The following SIT1 variants were observed in gnomAD, a reference collection of about 807,000 sequenced individuals.
SIT1 encodes signaling threshold regulating transmembrane adaptor 1, also known as signaling threshold-regulating transmembrane adapter 1.
A neutral mutation model predicts 23.5 loss-of-function variants in SIT1; 19 were observed. The observed-to-expected ratio is 0.81, with a 90% confidence interval of 0.56 to 1.19. SIT1 has a LOEUF of 1.19. SIT1 is among the 50% of genes most tolerant of loss of function. The pLI is 0.00. For synonymous variants in SIT1, 114 were observed against 109.1 expected, an observed-to-expected ratio of 1.04 and a Z score of -0.28; for missense variants, 213 against 254.9, an observed-to-expected ratio of 0.84 and a Z score of 1.12.
rs569347532 is a variant in SIT1 at position 35,649,822 on chromosome 9, C to T, written c.*26G>A. On this transcript the variant is annotated 3_prime_UTR_variant, in exon 5 of 5. Coordinates refer to ENST00000259608, the MANE Select transcript of SIT1 (RefSeq NM_014450.3). ...TGCTACGGGGGGCTGGGGCAGTGCA[C>T]GCCCCGCTGTGCCAGGCCCTCCATC... 22 of 1,465,462 alleles carry T rather than the reference C, an allele frequency of 1.5e-5. No individual in the cohort carries two copies. The highest frequency in any genetic ancestry group is 1.3e-4 in the African/African-American group (9 of 71,480). 90.8% of individuals were successfully genotyped at this position (1,465,462 alleles called of 1,614,324 possible).
In SIT1 at chr9:35,650,333, C is replaced by T. The variant is rs775279925; in HGVS notation, c.295+24G>A. On this transcript the variant is annotated intron_variant, in intron 3 of 4. Transcript: ENST00000259608. The surrounding 1 kb of genome is among the most constrained non-coding windows in gnomAD (Gnocchi z 4.8). ...GCCACCCAGGACCTGGCCTCTGTGC[C>T]CCTCCTCTCTGCCAGCTCCCTACCT... 1.9e-6 allele frequency: 3 copies of T among 1,613,850 alleles called. No individual in the cohort carries two copies. Among genetic ancestry groups the T allele is most frequent in the Non-Finnish European group, 1.7e-6 (2 of 1,179,796 alleles).
rs770472286 is a variant in SIT1, at chr9:35,650,189, C to T, written c.352G>A (p.Ala118Thr). 3 of 1,614,080 alleles carry T rather than the reference C, an allele frequency of 1.9e-6. No homozygotes were observed. Among genetic ancestry groups the T allele is most frequent in the Non-Finnish European group, 1.7e-6 (2 of 1,179,964 alleles). The stretch of plus-strand genomic sequence containing the variant: ...TCCAGCCACAGTTGACTCACCCTGG[C>T]AGGGCCTCCAAGAGTTGGATCCTGC... Reference protein sequence around the residue: ...DQQDPTLGGPARAAEEVMCYT... With the variant: ...DQQDPTLGGPTRAAEEVMCYT... The change falls in exon 4 of 5, where the codon GCC (alanine) becomes ACC (threonine). Residue 118 changes from alanine to threonine, a missense_variant. Ala to Thr is a moderately conservative substitution (Grantham distance 58). Coordinates refer to ENST00000259608, the MANE Select transcript of SIT1 (RefSeq NM_014450.3). The surrounding 1 kb of genome is among the most constrained non-coding windows in gnomAD (Gnocchi z 4.8).
Position 35,650,755 on chromosome 9 carries a change from C to T in SIT1, c.99G>A (p.Leu33=). 6.2e-7 allele frequency: 1 copy of T among 1,613,624 alleles called. No individual in the cohort carries two copies. ...CAGCCCCTGCCCTGCCCAGCTCACCCAGTGCGAGTAGATCCGTGCAGTTGT... is the reference window on the plus strand; with the variant it reads ...CAGCCCCTGCCCTGCCCAGCTCACCTAGTGCGAGTAGATCCGTGCAGTTGT... ...RGDNCTDLLA[L]GIPSITQAWG... is the part of the protein sequence containing the mutation. The change falls in exon 1 of 5, where the codon CTG becomes CTA. Residue 33 remains leucine, a splice_region_variant and synonymous_variant. Coordinates refer to ENST00000259608, the MANE Select transcript of SIT1 (RefSeq NM_014450.3). The surrounding 1 kb of genome is among the most constrained non-coding windows in gnomAD (Gnocchi z 4.8).
chr9:35,649,814 GCAGTGCACGCCCCGCTGTGC>G lies in SIT1; in HGVS notation c.*14_*33del. On this transcript the variant is annotated 3_prime_UTR_variant, in exon 5 of 5. Transcript: ENST00000259608. ...CATGCCCCTGCTACGGGGGGCTGGG[GCAGTGCACGCCCCGCTGTGC>G]CAGGCCCTCCATCTCAGCTGGCTGC... is the stretch of plus-strand genomic sequence containing the variant. 3 of 1,420,420 alleles carry G rather than the reference GCAGTGCACGCCCCGCTGTGC, an allele frequency of 2.1e-6. No homozygotes were observed. Among genetic ancestry groups the G allele is most frequent in the Non-Finnish European group, 2.8e-6 (3 of 1,061,900 alleles). 88.0% of individuals were successfully genotyped at this position (1,420,420 alleles called of 1,614,324 possible).
At position 35,650,021 on chromosome 9, in the gene SIT1, G is replaced by A. The variant is rs1218376484; in HGVS notation, c.418C>T (p.Pro140Ser). The change falls in exon 5 of 5, where the codon CCC becomes TCC. Residue 140 changes from proline (P) to serine (S), a missense_variant. Physicochemically the swap from Pro to Ser is moderately conservative, Grantham distance 74 (BLOSUM62 -1). Transcript: ENST00000259608. The surrounding 1 kb of genome is among the most constrained non-coding windows in gnomAD (Gnocchi z 4.8). Reference protein sequence around the residue: ...LQLRPPQGRIPGPGTPVKYSE... With the variant: ...LQLRPPQGRISGPGTPVKYSE... ...TACTTGACGGGGGTTCCAGGACCGG[G>A]GATCCGACCCTGAGGAGGCCGCAGC... 13 of 1,586,440 alleles carry A rather than the reference G, an allele frequency of 8.2e-6. No individual in the cohort carries two copies. The highest frequency in any genetic ancestry group is 2.3e-5 in the East Asian group (1 of 43,592).
rs1823456549 is a variant in SIT1, at chr9:35,650,497, C to T, written c.236+5G>A. On this transcript the variant is annotated splice_donor_5th_base_variant and intron_variant, in intron 2 of 4. Coordinates refer to ENST00000259608, the MANE Select transcript of SIT1 (RefSeq NM_014450.3). This position sits in a 1 kb window ranked among gnomAD's most constrained non-coding sequence, Gnocchi z 4.8. ...GTCAACCCATCCCTGTTGTCCTTCA[C>T]CCACCGTCCCTGCCCCGGATGGCTC... is the stretch of plus-strand genomic sequence containing the variant. The T allele has an allele frequency of 1.2e-6, 2 of 1,614,058 alleles. No individual in the cohort carries two copies. The highest frequency in any genetic ancestry group is 8.5e-7 in the Non-Finnish European group (1 of 1,179,980).
Position 35,650,093 on chromosome 9 carries a change from A to G in SIT1, c.358-12T>C. On this transcript the variant is annotated splice_polypyrimidine_tract_variant and intron_variant, in intron 4 of 4. Transcript: ENST00000259608. The surrounding 1 kb of genome is among the most constrained non-coding windows in gnomAD (Gnocchi z 4.8). ...ACCTCCTCTGCAGCCTGGAGATGCA[A>G]GGCTGTTAGAAGTTCACTGGACCCT... The G allele has an allele frequency of 6.2e-7, 1 of 1,611,134 alleles. No individual in the cohort carries two copies. Among genetic ancestry groups the G allele is most frequent in the Non-Finnish European group, 8.5e-7 (1 of 1,178,204 alleles).
Position 35,650,670 on chromosome 9 carries a change from C to T in SIT1, c.101-33G>A. ...TGTGAAAGGAAGGGGGGTGTAACAGCCCCGCCCCACCCCCAGGGCCCAGCA... is the reference window on the plus strand; with the variant it reads ...TGTGAAAGGAAGGGGGGTGTAACAGTCCCGCCCCACCCCCAGGGCCCAGCA... On this transcript the variant is annotated intron_variant, in intron 1 of 4. Coordinates refer to ENST00000259608, the MANE Select transcript of SIT1 (RefSeq NM_014450.3). This position sits in a 1 kb window ranked among gnomAD's most constrained non-coding sequence, Gnocchi z 4.8. 4 of 1,612,214 alleles carry T rather than the reference C, an allele frequency of 2.5e-6. No homozygotes were observed. Among genetic ancestry groups the T allele is most frequent in the Non-Finnish European group, 2.5e-6 (3 of 1,179,140 alleles).
chr9:35,650,301 C>G lies in SIT1; in HGVS notation c.295+56G>C, dbSNP rs988076575. ...ACTTGTCCTTCCTCCTGCACGCCCC[C>G]ATCCCAGCCACCCAGGACCTGGCCT... On this transcript the variant is annotated intron_variant, in intron 3 of 4. Coordinates refer to ENST00000259608, the MANE Select transcript of SIT1 (RefSeq NM_014450.3). The surrounding 1 kb of genome is among the most constrained non-coding windows in gnomAD (Gnocchi z 4.8). 2 of 1,611,952 alleles carry G rather than the reference C, an allele frequency of 1.2e-6. No homozygotes were observed. The highest frequency in any genetic ancestry group is 2.7e-5 in the African/African-American group (2 of 74,996).
rs1823441579 is a variant in SIT1 at position 35,649,750 on chromosome 9, G to C, written c.*98C>G. The C allele has an allele frequency of 1.1e-6, 1 of 891,436 alleles. No homozygotes were observed. Among genetic ancestry groups the C allele is most frequent in the East Asian group, 2.7e-5 (1 of 36,804 alleles). The allele number at this position is 891,436 out of a possible 1,614,324, so 55.2% of individuals were successfully genotyped here. A position where few individuals can be genotyped will look rare whatever the true frequency, so the allele number is the denominator to read the frequency against. On this transcript the variant is annotated 3_prime_UTR_variant, in exon 5 of 5. Coordinates refer to ENST00000259608, the MANE Select transcript of SIT1 (RefSeq NM_014450.3). ...GGGGTAGATCACATCCTGTGACTTG[G>C]CAATGGCGCCCGTCTTTGGGTGCTG... is the stretch of plus-strand genomic sequence containing the variant.
chr9:35,650,753 C>G lies in SIT1; in HGVS notation c.100+1G>C. On this transcript the variant is annotated splice_donor_variant, in intron 1 of 4. Transcript: ENST00000259608. LOFTEE classifies it high-confidence loss of function. The surrounding 1 kb of genome is among the most constrained non-coding windows in gnomAD (Gnocchi z 4.8). ...ACCAGCCCCTGCCCTGCCCAGCTCA[C>G]CCAGTGCGAGTAGATCCGTGCAGTT... 6.2e-7 allele frequency: 1 copy of G among 1,613,494 alleles called. No homozygotes were observed. Among genetic ancestry groups the G allele is most frequent in the Non-Finnish European group, 8.5e-7 (1 of 1,179,748 alleles).
rs1823440266 is a variant in SIT1, at chr9:35,649,628, TAGAAAAA to T, written c.*213_*219del. ...GAGTTTGGGGGCTAAGAGGAACAGA[TAGAAAAA>T]AGAAATAAGGAGGGGGCTACTGTCT... On this transcript the variant is annotated 3_prime_UTR_variant, in exon 5 of 5. Coordinates refer to ENST00000259608, the MANE Select transcript of SIT1 (RefSeq NM_014450.3). The T allele has an allele frequency of 2.3e-6, 1 of 440,906 alleles. No individual in the cohort carries two copies. The allele number at this position is 440,906 out of a possible 1,614,324, so 27.3% of individuals were successfully genotyped here. A position where few individuals can be genotyped will look rare whatever the true frequency, so the allele number is the denominator to read the frequency against.
In SIT1 at chr9:35,650,258, AC is replaced by A. The variant is rs927816642; in HGVS notation, c.296-14del. 2 of 1,612,808 alleles carry A rather than the reference AC, an allele frequency of 1.2e-6. No individual in the cohort carries two copies. Among genetic ancestry groups the A allele is most frequent in the African/African-American group, 2.7e-5 (2 of 74,860 alleles). ...TGAGACAGCCGTCCTGGGACGGGGA[AC>A]AGGAATCTGGTCAGCAACTTGTCCT... On this transcript the variant is annotated splice_polypyrimidine_tract_variant and intron_variant, in intron 3 of 4. Transcript: ENST00000259608. The surrounding 1 kb of genome is among the most constrained non-coding windows in gnomAD (Gnocchi z 4.8).
At position 35,650,168 on chromosome 9, in the gene SIT1, G is replaced by A. The variant is rs952393487; in HGVS notation, c.357+16C>T. 4 of 1,613,694 alleles carry A rather than the reference G, an allele frequency of 2.5e-6. No individual in the cohort carries two copies. In the African/African-American group the frequency reaches 5.3e-5, roughly 22 times the overall value. ...CTTCCTTCCCTCCCCCTTTTCTCCA[G>A]CCACAGTTGACTCACCCTGGCAGGG... On this transcript the variant is annotated intron_variant, in intron 4 of 4. Coordinates refer to ENST00000259608, the MANE Select transcript of SIT1 (RefSeq NM_014450.3). The surrounding 1 kb of genome is among the most constrained non-coding windows in gnomAD (Gnocchi z 4.8).
At position 35,650,361 on chromosome 9, in the gene SIT1, C is replaced by T; in HGVS notation, c.291G>A (p.Gln97=). ...TCCTCTCTGCCAGCTCCCTACCTGT[C>T]TGTAGATAATGCAGGTTCCCATACA... ...VPLYGNLHYL[Q]TGRLSQDPEP... Residue 97 remains glutamine (Q), a synonymous_variant, in exon 3 of 5, where the codon CAG becomes CAA. Coordinates refer to ENST00000259608, the MANE Select transcript of SIT1 (RefSeq NM_014450.3). The surrounding 1 kb of genome is among the most constrained non-coding windows in gnomAD (Gnocchi z 4.8). 6.2e-7 allele frequency: 1 copy of T among 1,614,102 alleles called. No individual in the cohort carries two copies. Among genetic ancestry groups the T allele is most frequent in the Non-Finnish European group, 8.5e-7 (1 of 1,179,980 alleles).
In SIT1 at chr9:35,649,802, CG is replaced by C. The variant is rs1823442902; in HGVS notation, c.*45del. ...TTGGGAAACAGTCATGCCCCTGCTA[CG>C]GGGGGCTGGGGCAGTGCACGCCCCG... On this transcript the variant is annotated 3_prime_UTR_variant, in exon 5 of 5. Coordinates refer to ENST00000259608, the MANE Select transcript of SIT1 (RefSeq NM_014450.3). The C allele has an allele frequency of 2.2e-6, 3 of 1,363,444 alleles. No homozygotes were observed. The highest frequency in any genetic ancestry group is 2.7e-5 in the Admixed American group (1 of 37,178). 84.5% of individuals were successfully genotyped at this position (1,363,444 alleles called of 1,614,324 possible).
Position 35,650,323 on chromosome 9 carries a change from G to A in SIT1, c.295+34C>T. 3 of 1,613,260 alleles carry A rather than the reference G, an allele frequency of 1.9e-6. No individual in the cohort carries two copies. The highest frequency in any genetic ancestry group is 2.2e-5 in the East Asian group (1 of 44,872). On this transcript the variant is annotated intron_variant, in intron 3 of 4. Transcript: ENST00000259608. This position sits in a 1 kb window ranked among gnomAD's most constrained non-coding sequence, Gnocchi z 4.8. ...CCCCATCCCAGCCACCCAGGACCTG[G>A]CCTCTGTGCCCCTCCTCTCTGCCAG...
rs751498544 is a variant in SIT1, at chr9:35,649,582, A to C, written c.*266T>G. ...TGGGGAGGATCTGGTTAAACTCCAG[A>C]AGAAGGAAGTGAGAACCTGGGAGTT... On this transcript the variant is annotated 3_prime_UTR_variant, in exon 5 of 5. Coordinates refer to ENST00000259608, the MANE Select transcript of SIT1 (RefSeq NM_014450.3). 8.4e-5 allele frequency: 32 copies of C among 379,986 alleles called. No homozygotes were observed. The highest frequency in any genetic ancestry group is 1.7e-4 in the Admixed American group (4 of 23,050). The allele number at this position is 379,986 out of a possible 1,614,324, so 23.5% of individuals were successfully genotyped here. A position where few individuals can be genotyped will look rare whatever the true frequency, so the allele number is the denominator to read the frequency against.
rs1444475903 is a variant in SIT1 at position 35,649,901 on chromosome 9, G to A, written c.538C>T (p.Arg180Trp). 8 of 1,584,016 alleles carry A rather than the reference G, an allele frequency of 5.1e-6. No homozygotes were observed. Among genetic ancestry groups the A allele is most frequent in the African/African-American group, 2.7e-5 (2 of 74,640 alleles). Residue 180 changes from arginine to tryptophan, a missense_variant, in exon 5 of 5, where the codon CGG becomes TGG. Physicochemically the swap from Arg to Trp is moderately radical, Grantham distance 101. Transcript: ENST00000259608. ...ASVCAQTRRA[R>W]ASFPDQAYAN... is the part of the protein sequence containing the mutation. ...TAGGCCTGATCCGGGAAGGAGGCCCGGGCCCTGCGGGTCTGGGCACATACT... is the reference window on the plus strand; with the variant it reads ...TAGGCCTGATCCGGGAAGGAGGCCCAGGCCCTGCGGGTCTGGGCACATACT...
Sources: gnomAD v4.1 joint callset for allele counts on GRCh38, gnomAD v4.1.1 for gene constraint, Gnocchi (gnomAD v3.1) non-coding constraint, MANE v1.5 for transcripts, NCBI Gene and HGNC (gene_info 2026-07-23, HGNC 2026-07-21) for gene names.